The following DSG4 variants were observed in gnomAD, a reference collection of about 807,000 sequenced individuals.
DSG4 encodes desmoglein 4.
Under a neutral mutation model 93.1 loss-of-function variants are expected in DSG4, and 87 were observed. The ratio of observed to expected loss-of-function variants is 0.93; its 90% confidence interval spans 0.79 to 1.12. The LOEUF is 1.12. Among genes scored for constraint, DSG4 ranks in the 50% most tolerant of loss-of-function variants. The probability of loss-of-function intolerance (pLI) is 0.00; values close to 1 mark genes in which losing one functional copy is unlikely to be tolerated. For missense variants in DSG4, 1,373 were observed against 1,285.7 expected (o/e 1.07, Z -1.04); for synonymous variants, 432 against 452.9 (o/e 0.95, Z 0.59).
At chr18:31,393,384 C>T (rs2072270694) in intron 8 of DSG4, among the ~76,000 whole-genome samples, 1 of 152,144 alleles carries the variant, frequency 6.6e-6, no homozygotes, top group Admixed American at 6.5e-5. Flanking sequence ...CACCATTTTG[C>T]AGGCCATACA....
At position 31,403,635 on chromosome 18, in the gene DSG4, G is replaced by A. The variant is rs1322119590; in HGVS notation, c.1636+1G>A. Reference sequence around the variant, plus strand: ...ATGTGGGATGTCAGATCAACAAATGGTAAGTGAAACGTAAGCTTGTTTTTT... The same window carrying A: ...ATGTGGGATGTCAGATCAACAAATGATAAGTGAAACGTAAGCTTGTTTTTT... On this transcript the variant is annotated splice_donor_variant, in intron 11 of 15. Transcript: ENST00000308128. LOFTEE classifies it high-confidence loss of function. The A allele has an allele frequency of 6.2e-7, 1 of 1,613,880 alleles. No individual in the cohort carries two copies. Among genetic ancestry groups the A allele is most frequent in the Non-Finnish European group, 8.5e-7 (1 of 1,179,854 alleles).
chr18:31,411,119 G>C (rs761308783), intron 14 of DSG4, 112 bp from the exon 15 acceptor site: 1 of 1,608,166 alleles, frequency 6.2e-7, no homozygotes. Context: ...GCTTTTTAGC[G>C]CCTACGCCTT....
At position 31,403,489 on chromosome 18, in the gene DSG4, T is replaced by A. The variant is rs1471829167; in HGVS notation, c.1491T>A (p.Ile497=). Reference sequence around the variant, plus strand: ...ATATCAATGATTATTGTCCAAACATTTTTCCTGAAAGAAGAACCATCTGCA... The same window carrying A: ...ATATCAATGATTATTGTCCAAACATATTTCCTGAAAGAAGAACCATCTGCA... ...VPDINDYCPN[I]FPERRTICID... is the part of the protein sequence containing the mutation. Residue 497 remains isoleucine, a synonymous_variant, in exon 11 of 16, where the codon ATT becomes ATA. Coordinates refer to ENST00000308128, the MANE Select transcript of DSG4 (RefSeq NM_177986.5). The A allele has an allele frequency of 6.2e-7, 1 of 1,614,038 alleles. No individual in the cohort carries two copies. The highest frequency in any genetic ancestry group is 2.2e-5 in the East Asian group (1 of 44,870).
intron 1 of DSG4, among the ~76,000 whole-genome samples, chr18:31,379,498 T>C (rs551148054): frequency 1.3e-5 from 2 of 152,316 alleles, no homozygotes; most frequent in East Asian, 3.9e-4. Flanking sequence ...GGCAGGACAG[T>C]TATTAGCTGG....
chr18:31,398,575 T>G (rs1284122077), intron 8 of DSG4, among the ~76,000 whole-genome samples: 1 of 152,214 alleles, frequency 6.6e-6, no homozygotes, highest in East Asian at 1.9e-4. Flanking sequence ...ATTCTTTCTT[T>G]GCAACTACTT....
intron 1 of DSG4, among the ~76,000 whole-genome samples, chr18:31,378,448 C>A (rs950305298): frequency 1.1e-4 from 16 of 152,124 alleles, no homozygotes; most frequent in African/African-American, 3.9e-4. Context: ...AGCACTAAAT[C>A]TTGCCTCCCA....
intron 1 of DSG4, among the ~76,000 whole-genome samples, chr18:31,380,863 T>G (rs2072126330): frequency 6.6e-6 from 1 of 152,152 alleles, no homozygotes; most frequent in South Asian, 2.1e-4. Context: ...ATTCCAGTAT[T>G]GCAAGAAGCA....
rs776040352 is a variant in DSG4, at chr18:31,411,336, G to A, written c.2243G>A (p.Gly748Glu). 5 of 1,611,014 alleles carry A rather than the reference G, an allele frequency of 3.1e-6. No individual in the cohort carries two copies. In the African/African-American group the frequency reaches 5.5e-5, roughly 18 times the overall value. Residue 748 changes from glycine (G) to glutamate (E), a missense_variant, in exon 15 of 16, where the codon GGG becomes GAG. By Grantham distance (98) the Gly-to-Glu change is moderately conservative. Coordinates refer to ENST00000308128, the MANE Select transcript of DSG4 (RefSeq NM_177986.5). ...ACAGCCGTTGGCCTCATGGCCGCAG[G>A]GGCCGCAGGAGCCTCAGGGGCCGCA... ...MGTAVGLMAA[G>E]AAGASGAARK...
At chr18:31,379,635 C>G (rs1456087896) in intron 1 of DSG4, among the ~76,000 whole-genome samples, 1 of 152,148 alleles carries the variant, frequency 6.6e-6, no homozygotes. Context: ...ATTAAATAGT[C>G]TAATTCTTGG....
chr18:31,406,089 T>C lies in DSG4; in HGVS notation c.1649T>C (p.Ile550Thr). 2.5e-6 allele frequency: 4 copies of C among 1,614,086 alleles called. No individual in the cohort carries two copies. Among genetic ancestry groups the C allele is most frequent in the African/African-American group, 1.3e-5 (1 of 75,022 alleles). ...DVRSTNATSAILTAKQVLSPG... is the reference protein window; with the variant it reads ...DVRSTNATSATLTAKQVLSPG... ...TCTTCCATTTCAGCTACCTCGGCAA[T>C]CCTTACGGCTAAGCAGGTTTTATCT... Residue 550 changes from isoleucine to threonine, a missense_variant, in exon 12 of 16, where the codon ATC becomes ACC. Transcript: ENST00000308128.
rs934103950 is a variant in DSG4, at chr18:31,406,227, T to C, written c.1787T>C (p.Leu596Pro). The C allele has an allele frequency of 1.2e-6, 2 of 1,612,986 alleles. No individual in the cohort carries two copies. Among genetic ancestry groups the C allele is most frequent in the Non-Finnish European group, 1.7e-6 (2 of 1,179,624 alleles). The change falls in exon 12 of 16, where the codon CTG (leucine) becomes CCG (proline). Residue 596 changes from leucine (L) to proline (P), a missense_variant. By Grantham distance (98) the Leu-to-Pro change is moderately conservative. Coordinates refer to ENST00000308128, the MANE Select transcript of DSG4 (RefSeq NM_177986.5). ...GATTGCGATGACAACCACATGTGCC[T>C]GGACTCTGGTGCCGCGGGCATCTAC... ...ACDCDDNHMC[L>P]DSGAAGIYTE...
At chr18:31,404,023 A>G (rs1395751494) in intron 11 of DSG4, among the ~76,000 whole-genome samples, 1 of 152,204 alleles carries the variant, frequency 6.6e-6, no homozygotes, top group African/African-American at 2.4e-5. Flanking sequence ...AATGTCTCTG[A>G]AACTCATATA....
intron 8 of DSG4, among the ~76,000 whole-genome samples, chr18:31,396,608 A>G (rs140403562): frequency 0.011 from 1,746 of 152,124 alleles, 41 homozygotes; most frequent in African/African-American, 0.041. Context: ...TGCCCACCTC[A>G]GCTTCGCACA....
At chr18:31,404,107 A>G (rs1236055130) in intron 11 of DSG4, among the ~76,000 whole-genome samples, 1 of 152,182 alleles carries the variant, frequency 6.6e-6, no homozygotes, top group Non-Finnish European at 1.5e-5. Context: ...TTTTACAGTA[A>G]CTATGAGTTC....
rs1387168272 is a variant in DSG4, at chr18:31,388,485, C to T, written c.335C>T (p.Thr112Ile). 2.5e-6 allele frequency: 4 copies of T among 1,613,384 alleles called. No homozygotes were observed. Among genetic ancestry groups the T allele is most frequent in the African/African-American group, 1.3e-5 (1 of 74,882 alleles). ...INPRTGEINI[T>I]SVVDREITPL... ...CCTCGCACTGGGGAAATTAACATCACTTCAGTGGTAGACAGAGAAATAACT... is the reference window on the plus strand; with the variant it reads ...CCTCGCACTGGGGAAATTAACATCATTTCAGTGGTAGACAGAGAAATAACT... Residue 112 changes from threonine to isoleucine, a missense_variant, in exon 4 of 16, where the codon ACT (threonine) becomes ATT (isoleucine). Thr to Ile is a moderately conservative substitution (Grantham distance 89). Coordinates refer to ENST00000308128, the MANE Select transcript of DSG4 (RefSeq NM_177986.5).
chr18:31,397,647 T>G (rs922496875), intron 8 of DSG4, among the ~76,000 whole-genome samples: 1 of 152,138 alleles, frequency 6.6e-6, no homozygotes, highest in African/African-American at 2.4e-5. Context: ...CTCTGTTCAA[T>G]GGGGAGAGAA....
rs146199492 is a variant in DSG4 at position 31,381,629 on chromosome 18, T to C, written c.49-3507T>C. Among the ~76,000 whole-genome samples the C allele has an allele frequency of 2.3e-4, 35 of 152,294 alleles. 1 individual carries two copies. The South Asian group carries it at 5.6e-3, about 24-fold the overall frequency. ...CTGTGTCTTACTCTTCATTTCTTTC[T>C]CAGAAATTAGCAGAGACATAAATTT... On this transcript the variant is annotated intron_variant, in intron 1 of 15. Coordinates refer to ENST00000308128, the MANE Select transcript of DSG4 (RefSeq NM_177986.5).
chr18:31,390,322 A>G (rs892394980), intron 5 of DSG4, among the ~76,000 whole-genome samples: 6 of 152,208 alleles, frequency 3.9e-5, no homozygotes, highest in South Asian at 4.1e-4. Context: ...ATGGCAAAAA[A>G]TAAAACAGAT....
Position 31,413,735 on chromosome 18 carries a change from A to G in DSG4, c.*140A>G, listed in dbSNP as rs73953142. On this transcript the variant is annotated 3_prime_UTR_variant, in exon 16 of 16. Coordinates refer to ENST00000308128, the MANE Select transcript of DSG4 (RefSeq NM_177986.5). ...CTAAGGTCAATGCCATTATTTGATT[A>G]TACCATTTTGAGGGTGAATATGGCT... 8.1e-4 allele frequency: 975 copies of G among 1,204,446 alleles called. 7 individuals are homozygous for G. In the African/African-American group the frequency reaches 0.013, roughly 16 times the overall value. The allele number at this position is 1,204,446 out of a possible 1,614,324, so 74.6% of individuals were successfully genotyped here. A position where few individuals can be genotyped will look rare whatever the true frequency, so the allele number is the denominator to read the frequency against.
Sources: gnomAD v4.1 joint callset for allele counts (sites outside exome capture counted in the v4.1 genomes callset) on GRCh38, gnomAD v4.1.1 for gene constraint, MANE v1.5 for transcripts, NCBI Gene and HGNC (gene_info 2026-07-23, HGNC 2026-07-21) for gene names.